Variants in NXPH1 observed in about 807,000 individuals in gnomAD.
NXPH1 encodes the protein neurexophilin-1.
In NXPH1, 5 loss-of-function variants were observed where a neutral mutation model predicts 23.7. The observed-to-expected ratio is 0.21, with a 90% confidence interval of 0.11 to 0.44. The LOEUF (loss-of-function observed/expected upper bound fraction) is 0.44, where lower values mean the gene tolerates loss of function less well. Ranked by LOEUF, NXPH1 falls within the 20% of genes least tolerant of loss-of-function variation. NXPH1 has a pLI of 0.99. For synonymous variants in NXPH1, 144 were observed against 122.2 expected (o/e 1.18, Z -1.18); for missense variants, 324 against 321.6 (o/e 1.01, Z -0.06).
At position 8,464,574 on chromosome 7, in the gene NXPH1, A is replaced by G. The variant is rs187940048; in HGVS notation, c.54+28807A>G. ...TGCTCAAGGCACCTCCTTAACATAT[A>G]TCACTTGCCTGTAGGAGTCAAGAAG... is the stretch of plus-strand genomic sequence containing the variant. On this transcript the variant is annotated intron_variant, in intron 2 of 2. Transcript: ENST00000405863. Among the ~76,000 whole-genome samples the G allele has an allele frequency of 4.6e-4, 70 of 152,310 alleles. 1 individual carries two copies. Among genetic ancestry groups the G allele is most frequent in the Middle Eastern group, 3.4e-3 (1 of 294 alleles).
intron 2 of NXPH1, among the ~76,000 whole-genome samples, chr7:8,654,213 T>C (rs10230008): frequency 0.72 from 109,167 of 151,882 alleles, 39,813 homozygotes; most frequent in East Asian, 1. Flanking sequence ...TTTTGTAAAA[T>C]CAAACTCTGT....
intron 2 of NXPH1, among the ~76,000 whole-genome samples, chr7:8,702,197 A>G (rs1421602266): frequency 6.6e-6 from 1 of 152,112 alleles, no homozygotes. Flanking sequence ...AATGGCAAGA[A>G]GATCAGGTCA....
chr7:8,597,154 A>G (rs1272341417), intron 2 of NXPH1, among the ~76,000 whole-genome samples: 3 of 152,086 alleles, frequency 2.0e-5, no homozygotes, highest in African/African-American at 7.2e-5. Flanking sequence ...GATACTAGTT[A>G]TGATAAATTT....
intron 2 of NXPH1, among the ~76,000 whole-genome samples, chr7:8,639,058 G>A (rs1010993556): frequency 6.6e-6 from 1 of 152,152 alleles, no homozygotes; most frequent in African/African-American, 2.4e-5. Flanking sequence ...TTTTGGCATA[G>A]GGCAAGCAGT....
intron 2 of NXPH1, among the ~76,000 whole-genome samples, chr7:8,477,194 G>A (rs1324462018): frequency 6.6e-6 from 1 of 152,102 alleles, no homozygotes; most frequent in Non-Finnish European, 1.5e-5. Context: ...CCTGGCGGAT[G>A]ACCTGGGACA....
At chr7:8,490,794 G>A (rs747706748) in intron 2 of NXPH1, among the ~76,000 whole-genome samples, 11 of 152,074 alleles carry the variant, frequency 7.2e-5, no homozygotes, top group Non-Finnish European at 1.6e-4. Context: ...GATATCCCAA[G>A]CGATATAATT....
chr7:8,658,770 A>G (rs1025315721), intron 2 of NXPH1, among the ~76,000 whole-genome samples: 4 of 152,164 alleles, frequency 2.6e-5, no homozygotes, highest in Non-Finnish European at 5.9e-5. Context: ...AAAAAGGTCA[A>G]CCAATTTAGG....
chr7:8,524,700 A>G (rs1817836002), intron 2 of NXPH1, among the ~76,000 whole-genome samples: 1 of 152,218 alleles, frequency 6.6e-6, no homozygotes, highest in South Asian at 2.1e-4. Context: ...TTCCCATGCT[A>G]TTCTCAGGAT....
chr7:8,743,168 T>G (rs1780395418), intron 2 of NXPH1, among the ~76,000 whole-genome samples: 3 of 152,124 alleles, frequency 2.0e-5, no homozygotes, highest in Admixed American at 6.5e-5. Context: ...GTGAGCAATG[T>G]TGCTTGAGCA....
chr7:8,616,687 T>C (rs184377782), intron 2 of NXPH1, among the ~76,000 whole-genome samples: 16 of 151,936 alleles, frequency 1.1e-4, no homozygotes, highest in African/African-American at 3.9e-4. Context: ...AAAGACATTG[T>C]TGCTTTTGAA....
In NXPH1 at chr7:8,720,077, C is replaced by T. The variant is rs28636408; in HGVS notation, c.55-30931C>T. The stretch of plus-strand genomic sequence containing the variant: ...GAACAGTATGATCTGCTTGTCAGCT[C>T]CTTTTGGAGAATGATGATTGAGGTT... On this transcript the variant is annotated intron_variant, in intron 2 of 2. Transcript: ENST00000405863. Among the ~76,000 whole-genome samples, 1,012 of 152,094 alleles carry T rather than the reference C, an allele frequency of 6.7e-3. 13 individuals carry two copies. Among genetic ancestry groups the T allele is most frequent in the African/African-American group, 0.023 (971 of 41,476 alleles).
At chr7:8,565,412 A>G (rs1229356677) in intron 2 of NXPH1, among the ~76,000 whole-genome samples, 3 of 151,808 alleles carry the variant, frequency 2.0e-5, no homozygotes, top group African/African-American at 4.8e-5. Flanking sequence ...AAATTGAAAC[A>G]TAGAATCTAG....
At chr7:8,674,203 A>ACACACACACACACACC (rs749254159) in intron 2 of NXPH1, among the ~76,000 whole-genome samples, 1 of 115,302 alleles carries the variant, frequency 8.7e-6, no homozygotes, top group Non-Finnish European at 2.0e-5. Flanking sequence ...ACACACACAC[A>ACACACACACACACACC]CCTATGCAAT....
At chr7:8,512,264 G>A (rs1056637640) in intron 2 of NXPH1, among the ~76,000 whole-genome samples, 1 of 152,140 alleles carries the variant, frequency 6.6e-6, no homozygotes, top group Non-Finnish European at 1.5e-5. Flanking sequence ...GTTGGAAGGG[G>A]TTATGAGCTA....
intron 2 of NXPH1, among the ~76,000 whole-genome samples, chr7:8,445,432 C>T (rs556927481): frequency 3.9e-5 from 6 of 152,264 alleles, no homozygotes; most frequent in Non-Finnish European, 8.8e-5. Flanking sequence ...GCTGCAGGGC[C>T]CTACATTTTT....
At chr7:8,534,504 C>T (rs1817997884) in intron 2 of NXPH1, among the ~76,000 whole-genome samples, 1 of 152,034 alleles carries the variant, frequency 6.6e-6, no homozygotes, top group Admixed American at 6.6e-5. Context: ...TGCTGGGTAG[C>T]TAAAGGGATA....
At chr7:8,656,537 T>C (rs10275696) in intron 2 of NXPH1, among the ~76,000 whole-genome samples, 105,418 of 148,148 alleles carry the variant, frequency 0.71, 38,373 homozygotes, top group East Asian at 1. Context: ...AGAGGGTGGT[T>C]TTTCTTTTTT....
Position 8,751,386 on chromosome 7 carries a change from G to A in NXPH1, c.433G>A (p.Gly145Ser). ...GATAACTGGGAAAATTGTAGATCAT[G>A]GCAATGGGACATTTAGTGTTTATTT... is the stretch of plus-strand genomic sequence containing the variant. ...LLITGKIVDH[G>S]NGTFSVYFRH... Residue 145 changes from glycine (G) to serine (S), a missense_variant, in exon 3 of 3, where the codon GGC becomes AGC. Physicochemically the swap from Gly to Ser is moderately conservative, Grantham distance 56. Transcript: ENST00000405863. This position sits in a 1 kb window ranked among gnomAD's most constrained non-coding sequence, Gnocchi z 4.5. 2 of 1,613,886 alleles carry A rather than the reference G, an allele frequency of 1.2e-6. No homozygotes were observed. The highest frequency in any genetic ancestry group is 1.1e-5 in the South Asian group (1 of 91,086).
At chr7:8,622,455 T>C (rs1440111492) in intron 2 of NXPH1, among the ~76,000 whole-genome samples, 7 of 152,196 alleles carry the variant, frequency 4.6e-5, no homozygotes, top group Non-Finnish European at 1.0e-4. Context: ...AAAAAGTACA[T>C]ATGAAACTTG....
Sources: allele counts gnomAD v4.1 joint callset (sites outside exome capture counted in the v4.1 genomes callset), GRCh38; gene constraint gnomAD v4.1.1; non-coding constraint Gnocchi (gnomAD v3.1); transcripts MANE v1.5; gene names NCBI Gene and HGNC (gene_info 2026-07-23, HGNC 2026-07-21).